The following FZD3 variants were observed in gnomAD, a reference collection of about 807,000 sequenced individuals.
FZD3 encodes the protein frizzled-3.
FZD3 carries 30 observed loss-of-function variants against 60.7 expected under a neutral mutation model. The ratio of observed to expected loss-of-function variants is 0.49; its 90% CI spans 0.37 to 0.67. The LOEUF (loss-of-function observed/expected upper bound fraction) is 0.67, where lower values mean the gene tolerates loss of function less well. Among genes scored for constraint, FZD3 ranks in the 30% least tolerant of loss-of-function variants. The probability of loss-of-function intolerance (pLI) is 0.00; values close to 1 mark genes in which losing one functional copy is unlikely to be tolerated. For synonymous variants in FZD3, 246 were observed against 275.2 expected (o/e 0.89, Z 1.05); for missense variants, 605 against 838.7 (o/e 0.72, Z 3.44).
chr8:28,573,581 G>A lies in FZD3; in HGVS notation c.*10570G>A, dbSNP rs2130497613. On this transcript the variant is annotated 3_prime_UTR_variant, in exon 8 of 8. Transcript: ENST00000240093. ...TGCTGATCCTGTTTTTTAAGTTCAAGCGCAATGCCTGAAGCATCCTAGATC... is the reference window on the plus strand; with the variant it reads ...TGCTGATCCTGTTTTTTAAGTTCAAACGCAATGCCTGAAGCATCCTAGATC... The A allele has an allele frequency of 6.6e-6, 1 of 150,396 alleles. No individual in the cohort carries two copies. Among genetic ancestry groups the A allele is most frequent in the South Asian group, 2.1e-4 (1 of 4,740 alleles). 9.3% of individuals were successfully genotyped at this position (150,396 alleles called of 1,614,324 possible).
intron 3 of FZD3, among the ~76,000 whole-genome samples, chr8:28,513,963 A>C (rs1804356205): frequency 6.6e-6 from 1 of 152,186 alleles, no homozygotes; most frequent in East Asian, 1.9e-4. Flanking sequence ...CAGGAATGGA[A>C]ATTTGAAAGA....
At position 28,569,497 on chromosome 8, in the gene FZD3, C is replaced by A. The variant is rs1230045066; in HGVS notation, c.*6486C>A. ...TTCCGCCCAGCTCTCATTTGGTTCT[C>A]ATTTGACCATTTTATAATCATTATT... On this transcript the variant is annotated 3_prime_UTR_variant, in exon 8 of 8. Transcript: ENST00000240093. 1.3e-5 allele frequency: 2 copies of A among 151,714 alleles called. No homozygotes were observed. Among genetic ancestry groups the A allele is most frequent in the African/African-American group, 4.8e-5 (2 of 41,286 alleles). 9.4% of individuals were successfully genotyped at this position (151,714 alleles called of 1,614,324 possible).
At chr8:28,549,213 T>C (rs1805359290) in intron 5 of FZD3, among the ~76,000 whole-genome samples, 1 of 152,144 alleles carries the variant, frequency 6.6e-6, no homozygotes, top group Non-Finnish European at 1.5e-5. Context: ...ACCAGCCAGA[T>C]TGGGTTGGGA....
chr8:28,501,848 A>G (rs1402515071), intron 2 of FZD3, among the ~76,000 whole-genome samples: 3 of 152,200 alleles, frequency 2.0e-5, no homozygotes, highest in Non-Finnish European at 4.4e-5. Flanking sequence ...CGTTGATGAA[A>G]TATTTCTTAG....
Position 28,527,024 on chromosome 8 carries a change from A to G in FZD3, c.387-123A>G, listed in dbSNP as rs978608620. On this transcript the variant is annotated intron_variant, in intron 4 of 7. Transcript: ENST00000240093. The surrounding 1 kb of genome is among the most constrained non-coding windows in gnomAD (Gnocchi z 5.0). ...ATATCACCATTTACTTTATTTCTAC[A>G]TATTACATTTGCTCTCCAGGAATAA... is the stretch of plus-strand genomic sequence containing the variant. 2.6e-5 allele frequency: 22 copies of G among 830,552 alleles called. No individual in the cohort carries two copies. Among genetic ancestry groups the G allele is most frequent in the East Asian group, 4.9e-5 (2 of 41,076 alleles). The allele number at this position is 830,552 out of a possible 1,614,324, so 51.4% of individuals were successfully genotyped here.
chr8:28,561,600 A>T (rs1034824405), intron 7 of FZD3, among the ~76,000 whole-genome samples: 4 of 26,298 alleles, frequency 1.5e-4, no homozygotes, highest in Admixed American at 1.2e-3. Context: ...ATGACTGTTT[A>T]AAAAAAAAAA....
intron 3 of FZD3, among the ~76,000 whole-genome samples, chr8:28,506,874 T>G (rs955619828): frequency 1.2e-4 from 18 of 152,184 alleles, no homozygotes; most frequent in African/African-American, 4.3e-4. Flanking sequence ...TATGGAAATT[T>G]CCATTATATA....
In FZD3 at chr8:28,502,791, A is replaced by G. The variant is rs999320685; in HGVS notation, c.-223A>G. ...CCATGTAATAAAATGAAAAGAAGAG[A>G]CAAGATGATGTCATTTTCCCATATT... is the stretch of plus-strand genomic sequence containing the variant. On this transcript the variant is annotated 5_prime_UTR_variant, in exon 3 of 8. Transcript: ENST00000240093. 1 of 344,080 alleles carries G rather than the reference A, an allele frequency of 2.9e-6. No homozygotes were observed. 21.3% of individuals were successfully genotyped at this position (344,080 alleles called of 1,614,324 possible).
rs963420966 is a variant in FZD3 at position 28,494,312 on chromosome 8, C to CCG, written c.-421_-420insGC. The CCG allele has an allele frequency of 1.3e-5, 2 of 151,620 alleles. No homozygotes were observed. Among genetic ancestry groups the CCG allele is most frequent in the East Asian group, 3.9e-4 (2 of 5,088 alleles). The allele number at this position is 151,620 out of a possible 1,614,324, so 9.4% of individuals were successfully genotyped here. A position where few individuals can be genotyped will look rare whatever the true frequency, so the allele number is the denominator to read the frequency against. ...GCCCGCGGCAGGCGGTGCAGCCCCC[C>CCG]CACCCCTTGGAGCCAGGCGCCGGGG... is the stretch of plus-strand genomic sequence containing the variant. On this transcript the variant is annotated 5_prime_UTR_variant, in exon 1 of 8. Coordinates refer to ENST00000240093, the MANE Select transcript of FZD3 (RefSeq NM_017412.4).
intron 3 of FZD3, among the ~76,000 whole-genome samples, chr8:28,505,561 A>G (rs1188165772): frequency 6.6e-6 from 1 of 152,086 alleles, no homozygotes; most frequent in African/African-American, 2.4e-5. Flanking sequence ...CATGTTGCCC[A>G]GGCTGATCTC....
intron 3 of FZD3, among the ~76,000 whole-genome samples, chr8:28,513,535 A>G (rs1392554759): frequency 1.3e-5 from 2 of 152,234 alleles, no homozygotes; most frequent in African/African-American, 4.8e-5. Context: ...TTACAAACCT[A>G]AAGTTTTTTG....
At chr8:28,548,618 A>G (rs1024117821) in intron 5 of FZD3, among the ~76,000 whole-genome samples, 2 of 152,262 alleles carry the variant, frequency 1.3e-5, no homozygotes, top group Non-Finnish European at 2.9e-5. Flanking sequence ...TACTGCTTAT[A>G]TTAAACACTG....
chr8:28,527,935 C>A lies in FZD3; in HGVS notation c.1175C>A (p.Ala392Asp). Residue 392 changes from alanine (A) to aspartate (D), a missense_variant, in exon 5 of 8, where the codon GCT becomes GAT. Physicochemically the swap from Ala to Asp is moderately radical, Grantham distance 126. Coordinates refer to ENST00000240093, the MANE Select transcript of FZD3 (RefSeq NM_017412.4). The surrounding 1 kb of genome is among the most constrained non-coding windows in gnomAD (Gnocchi z 5.0). Reference sequence around the variant, plus strand: ...GTAGTTGGGGTTTCTCTCCTCTTAGCTGGCATTATATCCCTAAACAGAGTT... The same window carrying A: ...GTAGTTGGGGTTTCTCTCCTCTTAGATGGCATTATATCCCTAAACAGAGTT... ...YVVVGVSLLL[A>D]GIISLNRVRI... 1 of 1,613,974 alleles carries A rather than the reference C, an allele frequency of 6.2e-7. No homozygotes were observed. The highest frequency in any genetic ancestry group is 8.5e-7 in the Non-Finnish European group (1 of 1,179,852).
chr8:28,523,048 G>A (rs916351618), intron 4 of FZD3, among the ~76,000 whole-genome samples: 2 of 152,144 alleles, frequency 1.3e-5, no homozygotes, highest in African/African-American at 4.8e-5. Flanking sequence ...GGGATTACAG[G>A]CGTGAGCCAC....
At chr8:28,497,250 G>C (rs1218864753) in intron 1 of FZD3, among the ~76,000 whole-genome samples, 1 of 152,150 alleles carries the variant, frequency 6.6e-6, no homozygotes, top group Non-Finnish European at 1.5e-5. Flanking sequence ...TTAAACATTA[G>C]ATGAAGCAGG....
intron 5 of FZD3, among the ~76,000 whole-genome samples, chr8:28,551,321 C>T (rs998891370): frequency 9.9e-5 from 15 of 152,166 alleles, no homozygotes; most frequent in Admixed American, 2.6e-4. Flanking sequence ...CACCTGCAGC[C>T]TGGCCAACAT....
chr8:28,527,627 T>A lies in FZD3; in HGVS notation c.867T>A (p.Leu289=). 6.2e-7 allele frequency: 1 copy of A among 1,614,090 alleles called. No homozygotes were observed. The highest frequency in any genetic ancestry group is 8.5e-7 in the Non-Finnish European group (1 of 1,179,964). Residue 289 remains leucine (L), a synonymous_variant, in exon 5 of 8, where the codon CTT becomes CTA. Coordinates refer to ENST00000240093, the MANE Select transcript of FZD3 (RefSeq NM_017412.4). The surrounding 1 kb of genome is among the most constrained non-coding windows in gnomAD (Gnocchi z 5.0). ...CTCATAATAAAGCCTGTACCATGCTTTTTATGATACTCTATTTTTTTACTA... is the reference window on the plus strand; with the variant it reads ...CTCATAATAAAGCCTGTACCATGCTATTTATGATACTCTATTTTTTTACTA... ...QGSHNKACTM[L]FMILYFFTMA...
chr8:28,522,327 G>A (rs570764624), intron 4 of FZD3, among the ~76,000 whole-genome samples: 16 of 151,392 alleles, frequency 1.1e-4, no homozygotes, highest in African/African-American at 2.9e-4. Context: ...CTTGCTTGAA[G>A]TCACAGTTTA....
At chr8:28,550,181 T>C (rs1805377687) in intron 5 of FZD3, among the ~76,000 whole-genome samples, 1 of 152,102 alleles carries the variant, frequency 6.6e-6, no homozygotes, top group Non-Finnish European at 1.5e-5. Flanking sequence ...ATTTCTTCTA[T>C]AATATATCTG....
Sources: gnomAD v4.1 joint callset for allele counts (sites outside exome capture counted in the v4.1 genomes callset) on GRCh38, gnomAD v4.1.1 for gene constraint, Gnocchi (gnomAD v3.1) non-coding constraint, MANE v1.5 for transcripts, NCBI Gene and HGNC (gene_info 2026-07-23, HGNC 2026-07-21) for gene names.